GRM7: variants seen among roughly 807,000 people sequenced by gnomAD.
The protein encoded by GRM7 is glutamate metabotropic receptor 7, also known as metabotropic glutamate receptor 7.
In GRM7, 35 loss-of-function variants were observed where a neutral mutation model predicts 84.5. The ratio of observed to expected loss-of-function variants is 0.41; its 90% CI spans 0.32 to 0.55. GRM7 has a LOEUF of 0.55. Ranked by LOEUF, GRM7 falls within the 20% of genes least tolerant of loss-of-function variation. The probability of loss-of-function intolerance (pLI) is 0.19; values close to 1 mark genes in which losing one functional copy is unlikely to be tolerated. For missense variants in GRM7, 1,003 were observed against 1,194.6 expected, an observed-to-expected ratio of 0.84 and a Z score of 2.36; for synonymous variants, 487 against 455.1, an observed-to-expected ratio of 1.07 and a Z score of -0.89.
chr3:7,475,950 G>C (rs1156818296), intron 7 of GRM7, among the ~76,000 whole-genome samples: 1 of 152,140 alleles, frequency 6.6e-6, no homozygotes, highest in Non-Finnish European at 1.5e-5. Flanking sequence ...ATCCTTCTGT[G>C]AAAATTTCCC....
chr3:7,203,215 C>G (rs773909626), intron 2 of GRM7, among the ~76,000 whole-genome samples: 6 of 152,192 alleles, frequency 3.9e-5, no homozygotes, highest in Non-Finnish European at 7.3e-5. Context: ...CTCCTTCCAT[C>G]TACACACCCT....
At chr3:7,210,778 C>T (rs966947141) in intron 2 of GRM7, among the ~76,000 whole-genome samples, 2 of 147,708 alleles carry the variant, frequency 1.4e-5, no homozygotes, top group African/African-American at 5.0e-5. Flanking sequence ...GCGATAAAGA[C>T]AATTATGAAC....
intron 1 of GRM7, among the ~76,000 whole-genome samples, chr3:7,093,019 G>T (rs1698724205): frequency 6.6e-6 from 1 of 152,078 alleles, no homozygotes; most frequent in South Asian, 2.1e-4. Context: ...GAAAGTTAAG[G>T]CTGCAGTGAG....
At chr3:7,436,527 T>C (rs1575333356) in intron 5 of GRM7, among the ~76,000 whole-genome samples, 1 of 152,324 alleles carries the variant, frequency 6.6e-6, no homozygotes, top group East Asian at 1.9e-4. Flanking sequence ...GCAGCCTTCA[T>C]TTTTTCATTA....
intron 1 of GRM7, among the ~76,000 whole-genome samples, chr3:6,950,191 C>G (rs970351900): frequency 6.6e-6 from 1 of 152,154 alleles, no homozygotes; most frequent in Admixed American, 6.5e-5. Flanking sequence ...TGGTTTTTAT[C>G]TACCTTTGGT....
chr3:7,702,863 TA>T (rs558173769), intron 9 of GRM7, among the ~76,000 whole-genome samples: 53 of 152,152 alleles, frequency 3.5e-4, no homozygotes, highest in African/African-American at 1.2e-3. Flanking sequence ...TATGACATTT[TA>T]AAAAATACAC....
chr3:7,735,488 G>C (rs1702472592), intron 9 of GRM7, among the ~76,000 whole-genome samples: 2 of 140,074 alleles, frequency 1.4e-5, no homozygotes, highest in African/African-American at 5.8e-5. Flanking sequence ...TTGCTAAATG[G>C]TTTTAATATG....
intron 4 of GRM7, among the ~76,000 whole-genome samples, chr3:7,357,244 A>G (rs1178295749): frequency 6.6e-6 from 1 of 151,946 alleles, no homozygotes; most frequent in Non-Finnish European, 1.5e-5. Context: ...AAAAACAAAA[A>G]AGTATTTTTT....
chr3:7,598,229 A>C (rs572457064), intron 8 of GRM7, among the ~76,000 whole-genome samples: 3 of 152,340 alleles, frequency 2.0e-5, no homozygotes, highest in African/African-American at 7.2e-5. Flanking sequence ...TAACAAAGTA[A>C]AGTTTCATGA....
chr3:7,047,942 C>T (rs10510344), intron 1 of GRM7, among the ~76,000 whole-genome samples: 19,598 of 151,840 alleles, frequency 0.13, 2,075 homozygotes, highest in African/African-American at 0.29. Context: ...TATTATAATT[C>T]GGTTTAGCTG....
At chr3:7,508,955 T>C (rs539373597) in intron 7 of GRM7, among the ~76,000 whole-genome samples, 1 of 152,334 alleles carries the variant, frequency 6.6e-6, no homozygotes, top group Admixed American at 6.5e-5. Context: ...TTTCTCCTTA[T>C]CTGTGGTTTC....
intron 1 of GRM7, among the ~76,000 whole-genome samples, chr3:6,959,784 C>A (rs1050001583): frequency 1.3e-5 from 2 of 152,264 alleles, no homozygotes; most frequent in African/African-American, 4.8e-5. Context: ...CATAATCATG[C>A]AGACTCTATT....
At position 6,925,214 on chromosome 3, in the gene GRM7, C is replaced by T. The variant is rs1473251179; in HGVS notation, c.519+63307C>T. ...ATATAGGCATTTAATAGTTTGTCTTCCACATATTTTAAGTTCCATTAAGGA... is the reference window on the plus strand; with the variant it reads ...ATATAGGCATTTAATAGTTTGTCTTTCACATATTTTAAGTTCCATTAAGGA... On this transcript the variant is annotated intron_variant, in intron 1 of 9. Transcript: ENST00000357716. Among the ~76,000 whole-genome samples, 3 of 152,146 alleles carry T rather than the reference C, an allele frequency of 2.0e-5. No individual in the cohort carries two copies. In the East Asian group the frequency reaches 5.8e-4, roughly 29 times the overall value.
intron 7 of GRM7, among the ~76,000 whole-genome samples, chr3:7,557,906 A>G (rs1398436793): frequency 6.6e-6 from 1 of 152,134 alleles, no homozygotes; most frequent in Admixed American, 6.6e-5. Flanking sequence ...CAGGATCAAT[A>G]TTAAATCACT....
intron 7 of GRM7, among the ~76,000 whole-genome samples, chr3:7,537,262 T>C (rs992273835): frequency 1.3e-5 from 2 of 152,228 alleles, no homozygotes; most frequent in East Asian, 3.9e-4. Flanking sequence ...CTCCCTTTTA[T>C]TTATTTATTG....
rs1699802967 is a variant in GRM7 at position 7,668,671 on chromosome 3, C to A, written c.2452-11378C>A. 2.6e-5 allele frequency among the ~76,000 whole-genome samples: 4 copies of A among 152,276 alleles called. No individual in the cohort carries two copies. The South Asian group carries it at 6.2e-4, about 24-fold the overall frequency. Reference sequence around the variant, plus strand: ...TACTAGGGGAAGAAGAAAGCACAGGCAAAGGCCTTGTGACAGAAGGAAATA... The same window carrying A: ...TACTAGGGGAAGAAGAAAGCACAGGAAAAGGCCTTGTGACAGAAGGAAATA... On this transcript the variant is annotated intron_variant, in intron 8 of 9. Transcript: ENST00000357716.
At chr3:7,185,672 T>C (rs915252395) in intron 2 of GRM7, among the ~76,000 whole-genome samples, 1 of 152,174 alleles carries the variant, frequency 6.6e-6, no homozygotes, top group African/African-American at 2.4e-5. Context: ...TCACCTGAGA[T>C]CCTGTAAGTG....
intron 9 of GRM7, among the ~76,000 whole-genome samples, chr3:7,684,296 G>A (rs1700494576): frequency 1.3e-5 from 2 of 152,166 alleles, no homozygotes; most frequent in African/African-American, 4.8e-5. Context: ...TCATGCACTT[G>A]AAAAAGGAAT....
chr3:7,251,046 C>A (rs1185014567), intron 2 of GRM7, among the ~76,000 whole-genome samples: 2 of 152,084 alleles, frequency 1.3e-5, no homozygotes, highest in African/African-American at 4.8e-5. Context: ...GTGGAAGATT[C>A]TAACAGTGGA....
Sources: gnomAD v4.1 joint callset for allele counts (sites outside exome capture counted in the v4.1 genomes callset) on GRCh38, gnomAD v4.1.1 for gene constraint, MANE v1.5 for transcripts, NCBI Gene and HGNC (gene_info 2026-07-23, HGNC 2026-07-21) for gene names.